AKAP19: variants seen among roughly 807,000 people sequenced by gnomAD.
The protein encoded by AKAP19 is small A-kinase anchoring protein.
chr2:189,947,365 T>C, the AKAP19 span, among the ~76,000 whole-genome samples: 51 of 152,188 alleles, frequency 3.4e-4, no homozygotes, highest in Non-Finnish European at 6.9e-4. Flanking sequence ...ATAGTTTTCA[T>C]ACATGGATTA....
At chr2:189,963,152 T>C in the AKAP19 span, among the ~76,000 whole-genome samples, 4 of 152,010 alleles carry the variant, frequency 2.6e-5, no homozygotes, top group East Asian at 7.7e-4. Flanking sequence ...GTTCAAGTTT[T>C]CTCATGAGAT....
the AKAP19 span, among the ~76,000 whole-genome samples, chr2:190,043,328 C>T: frequency 6.6e-6 from 1 of 152,158 alleles, no homozygotes; most frequent in South Asian, 2.1e-4. Context: ...TTCTGGGATA[C>T]CAGTGATTCA....
chr2:190,038,940 CT>C, the AKAP19 span, among the ~76,000 whole-genome samples: 162 of 143,554 alleles, frequency 1.1e-3, 1 homozygote, highest in African/African-American at 4.2e-3. Context: ...TCTTCTTCTT[CT>C]TCTTCTTCTT....
At chr2:189,990,779 G>A in the AKAP19 span, among the ~76,000 whole-genome samples, 1 of 152,054 alleles carries the variant, frequency 6.6e-6, no homozygotes, top group Non-Finnish European at 1.5e-5. Context: ...TTCTTTAGTG[G>A]TGATTTCTGA....
the AKAP19 span, among the ~76,000 whole-genome samples, chr2:189,933,656 A>G: frequency 1.3e-5 from 2 of 152,194 alleles, no homozygotes; most frequent in African/African-American, 4.8e-5. Flanking sequence ...TATGTTAACT[A>G]CATACCATGA....
At chr2:190,190,701 C>T in the AKAP19 span, among the ~76,000 whole-genome samples, 1 of 152,190 alleles carries the variant, frequency 6.6e-6, no homozygotes, top group Non-Finnish European at 1.5e-5. Context: ...CTCACCAACA[C>T]TAAGCACTGG....
the AKAP19 span, among the ~76,000 whole-genome samples, chr2:190,183,655 A>G: frequency 5.3e-5 from 8 of 152,048 alleles, no homozygotes; most frequent in African/African-American, 1.9e-4. Context: ...CTGGGGGAAA[A>G]AAGTTCTGTT....
chr2:190,114,985 C>T, the AKAP19 span, among the ~76,000 whole-genome samples: 1 of 151,734 alleles, frequency 6.6e-6, no homozygotes, highest in Admixed American at 6.6e-5. Context: ...TCAAAATGCT[C>T]ATGTTCCTTA....
the AKAP19 span, among the ~76,000 whole-genome samples, chr2:190,139,795 GC>G: frequency 1.8e-4 from 27 of 152,038 alleles, no homozygotes; most frequent in African/African-American, 6.3e-4. Context: ...TCCTCCCCCG[GC>G]CCCTCCCAAA....
At chr2:189,961,524 C>T in the AKAP19 span, among the ~76,000 whole-genome samples, 3 of 152,018 alleles carry the variant, frequency 2.0e-5, no homozygotes, top group African/African-American at 4.8e-5. Context: ...TTATATAAAG[C>T]TCTTTAAAAC....
At chr2:190,115,494 T>C in the AKAP19 span, among the ~76,000 whole-genome samples, 1 of 142,736 alleles carries the variant, frequency 7.0e-6, no homozygotes, top group South Asian at 2.3e-4. Flanking sequence ...TAATTTTTTG[T>C]ATTTTTAGTA....
the AKAP19 span, among the ~76,000 whole-genome samples, chr2:190,075,292 T>C: frequency 6.6e-6 from 1 of 152,194 alleles, no homozygotes; most frequent in African/African-American, 2.4e-5. Context: ...TTAAAAATGG[T>C]TTTATGGCCC....
chr2:190,063,864 C>T, the AKAP19 span, among the ~76,000 whole-genome samples: 1 of 152,032 alleles, frequency 6.6e-6, no homozygotes, highest in South Asian at 2.1e-4. Context: ...CTTTGGGAGC[C>T]ACAAGATCTA....
chr2:190,049,643 A>C, the AKAP19 span, among the ~76,000 whole-genome samples: 3 of 152,218 alleles, frequency 2.0e-5, no homozygotes, highest in South Asian at 6.2e-4. Context: ...AGCATGGCAG[A>C]GTGAAGCAGT....
At chr2:190,117,851 C>T in the AKAP19 span, among the ~76,000 whole-genome samples, 1 of 152,216 alleles carries the variant, frequency 6.6e-6, no homozygotes, top group Non-Finnish European at 1.5e-5. Context: ...GTGCTACACT[C>T]ACTGTCTCCT....
At chr2:190,072,866 T>C in the AKAP19 span, among the ~76,000 whole-genome samples, 7 of 152,172 alleles carry the variant, frequency 4.6e-5, no homozygotes, top group African/African-American at 1.4e-4. Flanking sequence ...CAGATATTCA[T>C]AGCTTCAAAT....
At chr2:189,988,334 C>G in the AKAP19 span, among the ~76,000 whole-genome samples, 1 of 152,196 alleles carries the variant, frequency 6.6e-6, no homozygotes, top group Admixed American at 6.5e-5. Context: ...AGTTGCAAAT[C>G]TTATGACCTC....
At chr2:189,977,210 A>G in the AKAP19 span, among the ~76,000 whole-genome samples, 1 of 152,344 alleles carries the variant, frequency 6.6e-6, no homozygotes, top group East Asian at 1.9e-4. Flanking sequence ...AGGCTAGTAC[A>G]AATTTGTTCA....
chr2:190,164,758 C>T, the AKAP19 span, among the ~76,000 whole-genome samples: 61,028 of 151,880 alleles, frequency 0.4, 14,722 homozygotes, highest in East Asian at 0.78. Flanking sequence ...TTGGAATATA[C>T]AAAATATGGA....
Sources: allele counts gnomAD v4.1 joint callset (sites outside exome capture counted in the v4.1 genomes callset), GRCh38; gene constraint gnomAD v4.1.1; transcripts MANE v1.5; gene names NCBI Gene and HGNC (gene_info 2026-07-23, HGNC 2026-07-21).